USP8: variants seen among roughly 807,000 people sequenced by gnomAD.
USP8 encodes the protein ubiquitin carboxyl-terminal hydrolase 8.
USP8 carries 27 observed loss-of-function variants against 130.0 expected under a neutral mutation model. The observed-to-expected ratio is 0.21, with a 90% CI of 0.15 to 0.29. USP8 has a LOEUF of 0.29. USP8 is among the 10% of genes least tolerant of loss of function. The probability of loss-of-function intolerance (pLI) is 1.00; values close to 1 mark genes in which losing one functional copy is unlikely to be tolerated. For missense variants in USP8, 1,029 were observed against 1,312.2 expected, an observed-to-expected ratio of 0.78 and a Z score of 3.33; for synonymous variants, 392 against 444.1, an observed-to-expected ratio of 0.88 and a Z score of 1.48.
Position 50,504,663 on chromosome 15 carries a change from A to G in USP8, c.*5575A>G, listed in dbSNP as rs2052633498. 1 of 152,108 alleles carries G rather than the reference A, an allele frequency of 6.6e-6. No individual in the cohort carries two copies. The highest frequency in any genetic ancestry group is 1.5e-5 in the Non-Finnish European group (1 of 68,030). 9.4% of individuals were successfully genotyped at this position (152,108 alleles called of 1,614,324 possible). A position where few individuals can be genotyped will look rare whatever the true frequency, so the allele number is the denominator to read the frequency against. ...TACAACTGTACTGGAAATTAACTTA[A>G]TGAAGATATTAGGACACAGAAAATG... is the stretch of plus-strand genomic sequence containing the variant. On this transcript the variant is annotated 3_prime_UTR_variant, in exon 20 of 20. Transcript: ENST00000307179.
rs1037697745 is a variant in USP8, at chr15:50,503,675, A to G, written c.*4587A>G. 6.6e-6 allele frequency: 1 copy of G among 152,200 alleles called. No individual in the cohort carries two copies. The highest frequency in any genetic ancestry group is 1.5e-5 in the Non-Finnish European group (1 of 68,050). The allele number at this position is 152,200 out of a possible 1,614,324, so 9.4% of individuals were successfully genotyped here. ...TTTCACCAGTTTGGGATTCAAATTT[A>G]TACTACCTGTGTGGTCTGCGAATCC... On this transcript the variant is annotated 3_prime_UTR_variant, in exon 20 of 20. Transcript: ENST00000307179.
At chr15:50,427,560 T>A (rs1239114506) in intron 1 of USP8, among the ~76,000 whole-genome samples, 1 of 16,878 alleles carries the variant, frequency 5.9e-5, no homozygotes, top group Non-Finnish European at 1.8e-4. Context: ...CCGTACTAAT[T>A]TTTTTTTTTT....
chr15:50,497,123 TCA>T lies in USP8; in HGVS notation c.2933_2934del (p.Thr978ArgfsTer2). ...AGATTATTTTCCAAAGAAGAAAAAC[TCA>T]CAGATAACAACAGATTTTACTGCAG... On this transcript the variant is annotated frameshift_variant, in exon 18 of 20. Coordinates refer to ENST00000307179, the MANE Select transcript of USP8 (RefSeq NM_005154.5). LOFTEE classifies it high-confidence loss of function. The T allele has an allele frequency of 6.2e-7, 1 of 1,605,902 alleles. No homozygotes were observed. The highest frequency in any genetic ancestry group is 2.3e-5 in the East Asian group (1 of 44,332).
intron 1 of USP8, among the ~76,000 whole-genome samples, chr15:50,433,907 A>G (rs1452953037): frequency 1.3e-5 from 2 of 152,068 alleles, no homozygotes; most frequent in Non-Finnish European, 2.9e-5. Flanking sequence ...GCACGGCTGC[A>G]TTTTCTCTTT....
At chr15:50,424,836 T>C (rs2049652485) in intron 1 of USP8, among the ~76,000 whole-genome samples, 1 of 151,882 alleles carries the variant, frequency 6.6e-6, no homozygotes, top group Admixed American at 6.6e-5. Flanking sequence ...GTTTTTTTTT[T>C]TTTCTGCAAT....
chr15:50,455,442 A>T (rs1461723140), intron 4 of USP8, among the ~76,000 whole-genome samples: 1 of 147,288 alleles, frequency 6.8e-6, no homozygotes, highest in East Asian at 2.1e-4. Flanking sequence ...GAGATTTCCT[A>T]TTTGTTCATT....
chr15:50,479,263 A>C (rs766607839), intron 10 of USP8, among the ~76,000 whole-genome samples: 1 of 152,186 alleles, frequency 6.6e-6, no homozygotes, highest in Non-Finnish European at 1.5e-5. Flanking sequence ...ACAGTATTTT[A>C]TCTGGGCTTT....
chr15:50,453,860 C>CTTTTTTTTTT (rs71124355), intron 4 of USP8, among the ~76,000 whole-genome samples: 9 of 86,946 alleles, frequency 1.0e-4, no homozygotes, highest in Non-Finnish European at 1.4e-4. Flanking sequence ...TGGGAATATT[C>CTTTTTTTTTT]TTTTTTTTTT....
chr15:50,433,644 T>C (rs145193361), intron 1 of USP8, among the ~76,000 whole-genome samples: 3,158 of 152,240 alleles, frequency 0.021, 103 homozygotes, highest in African/African-American at 0.071. Flanking sequence ...GAGTCTCTGT[T>C]GCCCAGGCTG....
At chr15:50,464,903 G>A (rs908958788) in intron 6 of USP8, 144 bp from the exon 7 acceptor site, 21 of 806,036 alleles carry the variant, frequency 2.6e-5, no homozygotes, top group Non-Finnish European at 3.6e-5. Flanking sequence ...ATAATAAATG[G>A]TATGATGGAG....
chr15:50,438,947 A>G, intron 1 of USP8, 62 bp from the exon 2 acceptor site: 1 of 654,838 alleles, frequency 1.5e-6, no homozygotes, highest in Non-Finnish European at 2.5e-6. Flanking sequence ...TTTTTTTTTA[A>G]ACTGCTCACT....
intron 1 of USP8, among the ~76,000 whole-genome samples, chr15:50,435,047 C>T (rs8041096): frequency 0.09 from 13,648 of 152,112 alleles, 1,336 homozygotes; most frequent in African/African-American, 0.25. Flanking sequence ...TTTGTTGTTG[C>T]TGCTGCTGTT....
chr15:50,479,051 C>CA (rs765216318), intron 10 of USP8, among the ~76,000 whole-genome samples: 17 of 147,992 alleles, frequency 1.1e-4, no homozygotes, highest in Non-Finnish European at 1.8e-4. Context: ...GACTCTGTCT[C>CA]AAAAAAAAAT....
intron 3 of USP8, among the ~76,000 whole-genome samples, chr15:50,445,054 A>G (rs1312352084): frequency 1.3e-5 from 2 of 151,700 alleles, no homozygotes; most frequent in African/African-American, 4.8e-5. Context: ...CACCTTGCCC[A>G]GTTGCAGAAC....
At position 50,506,063 on chromosome 15, in the gene USP8, T is replaced by C. The variant is rs2052654031; in HGVS notation, c.*6975T>C. On this transcript the variant is annotated 3_prime_UTR_variant, in exon 20 of 20. Coordinates refer to ENST00000307179, the MANE Select transcript of USP8 (RefSeq NM_005154.5). ...AGAGTATAAAGATCTTGATTAACTT[T>C]AGGCTTTAAGTATGAAAGCTGTCGT... 2 of 152,246 alleles carry C rather than the reference T, an allele frequency of 1.3e-5. No individual in the cohort carries two copies. Among genetic ancestry groups the C allele is most frequent in the African/African-American group, 4.8e-5 (2 of 41,466 alleles). The allele number at this position is 152,246 out of a possible 1,614,324, so 9.4% of individuals were successfully genotyped here.
intron 4 of USP8, among the ~76,000 whole-genome samples, chr15:50,453,153 T>C (rs1240952485): frequency 1.3e-5 from 2 of 152,240 alleles, no homozygotes; most frequent in East Asian, 3.8e-4. Flanking sequence ...TGCTGGAGAT[T>C]TGAGAATCCA....
At chr15:50,427,883 G>A (rs1342708228) in intron 1 of USP8, among the ~76,000 whole-genome samples, 1 of 148,068 alleles carries the variant, frequency 6.8e-6, no homozygotes, top group Non-Finnish European at 1.5e-5. Context: ...ACTGAGACAA[G>A]GTCTTGCTCT....
chr15:50,438,817 G>GA (rs1415892205), intron 1 of USP8, among the ~76,000 whole-genome samples, 192 bp from the exon 2 acceptor site: 1 of 152,008 alleles, frequency 6.6e-6, no homozygotes, highest in Non-Finnish European at 1.5e-5. Context: ...TTTGGTTAAT[G>GA]AAAATTTGAA....
At chr15:50,424,770 T>G (rs571271083) in intron 1 of USP8, 1 of 333,186 alleles carries the variant, frequency 3.0e-6, no homozygotes, top group East Asian at 4.5e-5. Context: ...CTTTGACCAA[T>G]CTTCCGTTCT....
Sources: gnomAD v4.1 joint callset for allele counts (sites outside exome capture counted in the v4.1 genomes callset) on GRCh38, gnomAD v4.1.1 for gene constraint, MANE v1.5 for transcripts, NCBI Gene and HGNC (gene_info 2026-07-23, HGNC 2026-07-21) for gene names.